The following MYO1D variants were observed in gnomAD, a reference collection of about 807,000 sequenced individuals.
MYO1D encodes unconventional myosin-Id.
MYO1D carries 83 observed loss-of-function variants against 122.0 expected under a neutral mutation model. The observed-to-expected ratio is 0.68, with a 90% CI of 0.57 to 0.82. The LOEUF is 0.82. Ranked by LOEUF, MYO1D falls within the 40% of genes least tolerant of loss-of-function variation. The probability of loss-of-function intolerance (pLI) is 0.00; values close to 1 mark genes in which losing one functional copy is unlikely to be tolerated. For synonymous variants in MYO1D, 464 were observed against 446.9 expected (o/e 1.04, Z -0.48); for missense variants, 1,157 against 1,269.5 (o/e 0.91, Z 1.35).
intron 13 of MYO1D, among the ~76,000 whole-genome samples, chr17:32,743,295 C>T (rs1478723385): frequency 2.0e-5 from 3 of 152,128 alleles, no homozygotes; most frequent in African/African-American, 4.8e-5. Flanking sequence ...TATCTCTAGC[C>T]CCACCTTTCC....
chr17:32,866,005 G>T (rs28567864), intron 1 of MYO1D, among the ~76,000 whole-genome samples: 7,772 of 152,104 alleles, frequency 0.051, 614 homozygotes, highest in African/African-American at 0.17. Context: ...GGCTCTCTAG[G>T]GTCTCTCTTT....
At chr17:32,509,240 C>T (rs1023457846) in intron 21 of MYO1D, among the ~76,000 whole-genome samples, 1 of 152,206 alleles carries the variant, frequency 6.6e-6, no homozygotes. Context: ...TGAAGAGGCA[C>T]TAGGGACACT....
chr17:32,573,128 A>T (rs2087246516), intron 21 of MYO1D, among the ~76,000 whole-genome samples: 1 of 152,176 alleles, frequency 6.6e-6, no homozygotes, highest in Non-Finnish European at 1.5e-5. Flanking sequence ...AGGCTTCTAT[A>T]CTTTGGTTAA....
chr17:32,511,654 TCTC>T, intron 21 of MYO1D, among the ~76,000 whole-genome samples: 1 of 152,144 alleles, frequency 6.6e-6, no homozygotes, highest in South Asian at 2.1e-4. Flanking sequence ...ATATTTCTGT[TCTC>T]CTCTCTTGAC....
chr17:32,772,966 T>C, intron 4 of MYO1D, 124 bp from the exon 5 acceptor site: 1 of 719,866 alleles, frequency 1.4e-6, no homozygotes, highest in East Asian at 2.5e-5. Context: ...CCAGATGGCC[T>C]GAAGCAACTG....
intron 1 of MYO1D, among the ~76,000 whole-genome samples, chr17:32,810,697 G>A (rs1424308009): frequency 3.3e-5 from 5 of 151,920 alleles, no homozygotes; most frequent in African/African-American, 9.7e-5. Flanking sequence ...GGCTGGTTTC[G>A]AACTCCTGAC....
intron 1 of MYO1D, among the ~76,000 whole-genome samples, chr17:32,844,257 A>G (rs1201055217): frequency 6.8e-6 from 1 of 147,154 alleles, no homozygotes; most frequent in Non-Finnish European, 1.5e-5. Flanking sequence ...ATAATATATA[A>G]TATGTATATA....
At chr17:32,604,478 T>C (rs1184367664) in intron 21 of MYO1D, among the ~76,000 whole-genome samples, 1 of 152,190 alleles carries the variant, frequency 6.6e-6, no homozygotes, top group Admixed American at 6.5e-5. Flanking sequence ...ATCACTCCCC[T>C]GCTTAAAATT....
In MYO1D at chr17:32,515,317, T is replaced by C. The variant is rs372328057; in HGVS notation, c.2865-20402A>G. ...TATTCAGTATTTTTAAATTCCCTCC[T>C]CCTGTCTTTTCTTTGACATAGAGTC... On this transcript the variant is annotated intron_variant, in intron 21 of 21. Transcript: ENST00000318217. Among the ~76,000 whole-genome samples, 47 of 152,332 alleles carry C rather than the reference T, an allele frequency of 3.1e-4. 1 individual carries two copies. Among genetic ancestry groups the C allele is most frequent in the African/African-American group, 1.1e-3 (46 of 41,576 alleles).
chr17:32,826,895 T>C (rs1176079223), intron 1 of MYO1D, among the ~76,000 whole-genome samples: 3 of 152,220 alleles, frequency 2.0e-5, no homozygotes, highest in South Asian at 2.1e-4. Context: ...TATATCAGTA[T>C]ATTAGGAAAC....
chr17:32,695,438 C>T (rs1363162130), intron 16 of MYO1D, among the ~76,000 whole-genome samples: 1 of 152,248 alleles, frequency 6.6e-6, no homozygotes, highest in African/African-American at 2.4e-5. Context: ...CCTTAGATTA[C>T]AGCAACAGGC....
chr17:32,516,567 C>G (rs900432588), intron 21 of MYO1D, among the ~76,000 whole-genome samples: 18 of 152,218 alleles, frequency 1.2e-4, no homozygotes, highest in Admixed American at 9.8e-4. Flanking sequence ...CCCAGAGGAA[C>G]CTTTGTCTCC....
chr17:32,804,553 G>C (rs747434649), intron 1 of MYO1D, among the ~76,000 whole-genome samples: 31 of 152,028 alleles, frequency 2.0e-4, no homozygotes, highest in Non-Finnish European at 4.1e-4. Flanking sequence ...TGGACTTTCA[G>C]GACAATTACT....
At chr17:32,830,817 T>C (rs989738729) in intron 1 of MYO1D, among the ~76,000 whole-genome samples, 5 of 152,220 alleles carry the variant, frequency 3.3e-5, no homozygotes, top group African/African-American at 1.2e-4. Context: ...CCCAGCACTT[T>C]GGGAGATCGA....
intron 21 of MYO1D, among the ~76,000 whole-genome samples, chr17:32,601,416 G>T (rs1004567022): frequency 2.0e-5 from 3 of 152,126 alleles, no homozygotes; most frequent in African/African-American, 7.2e-5. Flanking sequence ...CAGTCAGAAC[G>T]CACACGACAT....
At chr17:32,508,041 C>T (rs1287913241) in intron 21 of MYO1D, among the ~76,000 whole-genome samples, 2 of 152,010 alleles carry the variant, frequency 1.3e-5, no homozygotes, top group East Asian at 3.9e-4. Flanking sequence ...GGATTACAGG[C>T]ATGTGCCACC....
At chr17:32,836,126 C>T (rs920092377) in intron 1 of MYO1D, among the ~76,000 whole-genome samples, 1 of 152,136 alleles carries the variant, frequency 6.6e-6, no homozygotes, top group African/African-American at 2.4e-5. Context: ...ACTCCTCCAA[C>T]CATATGATAT....
At chr17:32,841,139 A>G (rs370815878) in intron 1 of MYO1D, among the ~76,000 whole-genome samples, 178 of 152,266 alleles carry the variant, frequency 1.2e-3, no homozygotes, top group Non-Finnish European at 1.8e-3. Context: ...TTGACTTACA[A>G]TAGTTTCAAC....
intron 1 of MYO1D, among the ~76,000 whole-genome samples, chr17:32,805,639 A>G (rs1201749189): frequency 6.6e-6 from 1 of 151,534 alleles, no homozygotes; most frequent in Non-Finnish European, 1.5e-5. Flanking sequence ...TATATATAAA[A>G]CAAACATTAC....
Sources: gnomAD v4.1 joint callset for allele counts (sites outside exome capture counted in the v4.1 genomes callset) on GRCh38, gnomAD v4.1.1 for gene constraint, MANE v1.5 for transcripts, NCBI Gene and HGNC (gene_info 2026-07-23, HGNC 2026-07-21) for gene names.